PPP6R2: variants seen among roughly 807,000 people sequenced by gnomAD.
PPP6R2 encodes the protein protein phosphatase 6 regulatory subunit 2.
In PPP6R2, 62 loss-of-function variants were observed where a neutral mutation model predicts 100.2. That is an observed-to-expected ratio of 0.62 (90% CI 0.50 to 0.76). PPP6R2 has a LOEUF of 0.76. Ranked by LOEUF, PPP6R2 falls within the 30% of genes least tolerant of loss-of-function variation. PPP6R2 has a pLI of 0.00. For synonymous variants in PPP6R2, 525 were observed against 514.7 expected (o/e 1.02, Z -0.27); for missense variants, 1,142 against 1,276.3 (o/e 0.89, Z 1.60).
At position 50,406,783 on chromosome 22, in the gene PPP6R2, G is replaced by T. The variant is rs752377143; in HGVS notation, c.322G>T (p.Asp108Tyr). 3 of 1,614,058 alleles carry T rather than the reference G, an allele frequency of 1.9e-6. No individual in the cohort carries two copies. Among genetic ancestry groups the T allele is most frequent in the Non-Finnish European group, 2.5e-6 (3 of 1,179,956 alleles). The change falls in exon 4 of 24, where the codon GAC becomes TAC. Residue 108 changes from aspartate (D) to tyrosine (Y), a missense_variant. Asp to Tyr is a radical substitution (Grantham distance 160). Around this residue, in one of 2 missense-constraint regions of PPP6R2, gnomAD observed 592 missense variants for 758.9 expected, o/e 0.78. Coordinates refer to ENST00000612753, the MANE Select transcript of PPP6R2 (RefSeq NM_001242898.2). The stretch of plus-strand genomic sequence containing the variant: ...CGAGAGCCTGCTGAGCCTCCTGTAC[G>T]ACTTCTTGGACCATGAGCCGCCTCT... ...GDESLLSLLY[D>Y]FLDHEPPLNP...
intron 6 of PPP6R2, 148 bp from the exon 7 acceptor site, chr22:50,418,719 A>G: frequency 3.2e-6 from 2 of 630,038 alleles, no homozygotes; most frequent in South Asian, 3.9e-5. Flanking sequence ...AAGAAAAAGT[A>G]TTTGAACATC....
At chr22:50,359,941 A>T (rs2047436356) in intron 1 of PPP6R2, among the ~76,000 whole-genome samples, 1 of 151,912 alleles carries the variant, frequency 6.6e-6, no homozygotes, top group African/African-American at 2.4e-5. Flanking sequence ...GATAAGGACA[A>T]ATTCCCTCAG....
chr22:50,430,887 A>AG (rs1569481637), intron 10 of PPP6R2, among the ~76,000 whole-genome samples: 1 of 151,928 alleles, frequency 6.6e-6, no homozygotes, highest in African/African-American at 2.4e-5. Flanking sequence ...AAAAAAAAAA[A>AG]AAAAGAATAA....
At position 50,438,702 on chromosome 22, in the gene PPP6R2, G is replaced by A. The variant is rs949134937; in HGVS notation, c.2068G>A (p.Ala690Thr). 4 of 1,613,544 alleles carry A rather than the reference G, an allele frequency of 2.5e-6. No homozygotes were observed. The African/African-American group carries it at 5.3e-5, about 22-fold the overall frequency. The change falls in exon 19 of 24, where the codon GCA becomes ACA. Residue 690 changes from alanine (A) to threonine (T), a missense_variant. Around this residue, in one of 2 missense-constraint regions of PPP6R2, gnomAD observed 550 missense variants for 517.4 expected, o/e 1.06. Transcript: ENST00000612753. ...GGAAGCACACAGAGATGCACCTGGG[G>A]CAGGTGCCCCACCGGCCCCCGGGAA... is the stretch of plus-strand genomic sequence containing the variant. ...SLEAHRDAPGAGAPPAPGKKE... is the reference protein window; with the variant it reads ...SLEAHRDAPGTGAPPAPGKKE...
chr22:50,432,881 C>T (rs543380231), intron 12 of PPP6R2, among the ~76,000 whole-genome samples: 19 of 152,170 alleles, frequency 1.2e-4, no homozygotes, highest in African/African-American at 3.1e-4. Flanking sequence ...AAGCAGAGGC[C>T]GAGCTGGGCT....
At chr22:50,333,344 T>C in the PPP6R2 span, among the ~76,000 whole-genome samples, 3 of 151,476 alleles carry the variant, frequency 2.0e-5, no homozygotes, top group African/African-American at 7.3e-5. Flanking sequence ...TTTTTCTTTT[T>C]TTTTTTTTTT....
At chr22:50,370,330 A>C (rs540760871) in intron 1 of PPP6R2, among the ~76,000 whole-genome samples, 1 of 152,026 alleles carries the variant, frequency 6.6e-6, no homozygotes, top group East Asian at 1.9e-4. Flanking sequence ...CACTGTCACC[A>C]GGGCTGGAGT....
intron 1 of PPP6R2, among the ~76,000 whole-genome samples, chr22:50,348,347 G>A (rs1406342878): frequency 6.6e-6 from 1 of 152,138 alleles, no homozygotes; most frequent in East Asian, 1.9e-4. Context: ...GATTGTAATG[G>A]TTTAGAACTT....
At chr22:50,397,196 C>G (rs1303370261) in intron 3 of PPP6R2, among the ~76,000 whole-genome samples, 1 of 152,120 alleles carries the variant, frequency 6.6e-6, no homozygotes, top group African/African-American at 2.4e-5. Flanking sequence ...CCTGAGTAAA[C>G]AACCCAGGTC....
rs1451366999 is a variant in PPP6R2, at chr22:50,438,262, A to G, written c.1928A>G (p.Asp643Gly). Residue 643 changes from aspartate to glycine, a missense_variant, in exon 18 of 24, where the codon GAC becomes GGC. This residue lies in a region of PPP6R2 where 550 missense variants were observed against 517.4 expected (regional missense o/e 1.06). Coordinates refer to ENST00000612753, the MANE Select transcript of PPP6R2 (RefSeq NM_001242898.2). ...GACGAGGACATCTGGGAGGACAGTG[A>G]CACTCGCTGTGCTGCCCGGGTGATG... ...DEDEDIWEDS[D>G]TRCAARVMAR... 3.7e-6 allele frequency: 6 copies of G among 1,613,672 alleles called. No homozygotes were observed. The highest frequency in any genetic ancestry group is 2.2e-5 in the East Asian group (1 of 44,892).
chr22:50,382,075 AAAG>A (rs1439965168), intron 2 of PPP6R2, among the ~76,000 whole-genome samples: 1 of 152,194 alleles, frequency 6.6e-6, no homozygotes, highest in East Asian at 1.9e-4. Flanking sequence ...GTGAAAATGG[AAAG>A]AAGACAGGGT....
At chr22:50,413,243 G>A (rs985835165) in intron 4 of PPP6R2, among the ~76,000 whole-genome samples, 20 of 152,268 alleles carry the variant, frequency 1.3e-4, no homozygotes, top group Non-Finnish European at 7.3e-5. Context: ...GATTACAGGC[G>A]TGAGCCACCG....
At chr22:50,348,504 T>A (rs1012944741) in intron 1 of PPP6R2, among the ~76,000 whole-genome samples, 2 of 152,194 alleles carry the variant, frequency 1.3e-5, no homozygotes, top group Non-Finnish European at 2.9e-5. Flanking sequence ...CTAGGCTTTC[T>A]GATGGAACAA....
At position 50,440,772 on chromosome 22, in the gene PPP6R2, C is replaced by A. The variant is rs1187376349; in HGVS notation, c.2375-50C>A. 4 of 1,597,376 alleles carry A rather than the reference C, an allele frequency of 2.5e-6. No homozygotes were observed. The Admixed American group carries it at 5.0e-5, about 20-fold the overall frequency. ...GACCCTATGGCTGGAGTGGCCGCAC[C>A]CTGTGACCCCTCCTGCCTCACTGGA... On this transcript the variant is annotated intron_variant, in intron 21 of 23. Transcript: ENST00000612753.
chr22:50,351,468 C>G (rs2045245957), intron 1 of PPP6R2, among the ~76,000 whole-genome samples: 1 of 150,692 alleles, frequency 6.6e-6, no homozygotes, highest in South Asian at 2.1e-4. Context: ...GTTGACTTAC[C>G]CTGTCTAGCT....
At chr22:50,425,510 A>C (rs2147914729) in intron 10 of PPP6R2, among the ~76,000 whole-genome samples, 1 of 152,368 alleles carries the variant, frequency 6.6e-6, no homozygotes, top group South Asian at 2.1e-4. Flanking sequence ...GAAAGTAAGA[A>C]GAAGTTCTTC....
intron 2 of PPP6R2, among the ~76,000 whole-genome samples, chr22:50,376,871 C>G (rs142744947): frequency 7.4e-4 from 112 of 151,930 alleles, no homozygotes; most frequent in African/African-American, 2.6e-3. Context: ...ACTAAAAATA[C>G]AAAAAATTAG....
chr22:50,370,695 G>A (rs1028254184), intron 1 of PPP6R2, among the ~76,000 whole-genome samples: 11 of 151,322 alleles, frequency 7.3e-5, no homozygotes, highest in East Asian at 3.9e-4. Flanking sequence ...GTGCAGTGGC[G>A]TGATCTCGGC....
chr22:50,419,050 T>C, intron 7 of PPP6R2, 71 bp downstream of exon 7: 3 of 1,243,036 alleles, frequency 2.4e-6, no homozygotes, highest in Non-Finnish European at 3.5e-6. Flanking sequence ...TGAGCCTTGC[T>C]CTGAGCACCA....
Sources: allele counts gnomAD v4.1 joint callset (sites outside exome capture counted in the v4.1 genomes callset), GRCh38; gene constraint gnomAD v4.1.1; regional missense constraint gnomAD v4.1.1; transcripts MANE v1.5; gene names NCBI Gene and HGNC (gene_info 2026-07-23, HGNC 2026-07-21).